SMAD9: variants seen among roughly 807,000 people sequenced by gnomAD.
The protein encoded by SMAD9 is MAD homolog 9.
In SMAD9, 36 loss-of-function variants were observed where a neutral mutation model predicts 46.1. The ratio of observed to expected loss-of-function variants is 0.78; its 90% CI spans 0.60 to 1.03. The LOEUF (loss-of-function observed/expected upper bound fraction) is 1.03, where lower values mean the gene tolerates loss of function less well. SMAD9 is among the 50% of genes least tolerant of loss of function. The probability of loss-of-function intolerance (pLI) is 0.00; values close to 1 mark genes in which losing one functional copy is unlikely to be tolerated. For missense variants in SMAD9, 572 were observed against 599.8 expected (o/e 0.95, Z 0.48); for synonymous variants, 245 against 237.1 (o/e 1.03, Z -0.31).
At chr13:36,906,497 C>A (rs1425290256) in intron 1 of SMAD9, among the ~76,000 whole-genome samples, 1 of 151,424 alleles carries the variant, frequency 6.6e-6, no homozygotes, top group Non-Finnish European at 1.5e-5. Flanking sequence ...GAAATTGAGA[C>A]AAAAAAGAAA....
intron 6 of SMAD9, among the ~76,000 whole-genome samples, chr13:36,852,798 T>C (rs2058085388): frequency 6.6e-6 from 1 of 152,198 alleles, no homozygotes; most frequent in Non-Finnish European, 1.5e-5. Flanking sequence ...TGCTTGGCAA[T>C]TGGAAGGATG....
chr13:36,872,972 C>T (rs1566022790), intron 2 of SMAD9, 57 bp from the exon 3 acceptor site: 3 of 1,581,708 alleles, frequency 1.9e-6, no homozygotes, highest in Non-Finnish European at 1.7e-6. Flanking sequence ...CAGTACACAA[C>T]AGAGTGGATA....
intron 4 of SMAD9, among the ~76,000 whole-genome samples, chr13:36,866,830 T>C (rs1312775978): frequency 6.6e-6 from 1 of 152,180 alleles, no homozygotes; most frequent in African/African-American, 2.4e-5. Flanking sequence ...ATATGAACAT[T>C]AAGGTCGAGC....
rs879741021 is a variant in SMAD9, at chr13:36,848,362, C to A, written c.*314G>T. The A allele has an allele frequency of 5.6e-6, 2 of 356,096 alleles. No individual in the cohort carries two copies. Among genetic ancestry groups the A allele is most frequent in the Admixed American group, 4.3e-5 (1 of 23,482 alleles). 22.1% of individuals were successfully genotyped at this position (356,096 alleles called of 1,614,324 possible). On this transcript the variant is annotated 3_prime_UTR_variant, in exon 7 of 7. Transcript: ENST00000379826. ...CCACACAACATGCTTTATAATGACACGGCTGACTAAAGCTGTCTTTTATTC... is the reference window on the plus strand; with the variant it reads ...CCACACAACATGCTTTATAATGACAAGGCTGACTAAAGCTGTCTTTTATTC...
chr13:36,892,657 T>G (rs57060744), intron 1 of SMAD9, among the ~76,000 whole-genome samples: 1 of 152,314 alleles, frequency 6.6e-6, no homozygotes, highest in African/African-American at 2.4e-5. Flanking sequence ...GGAGCTGTTT[T>G]CTCAGTAGGT....
intron 1 of SMAD9, among the ~76,000 whole-genome samples, chr13:36,915,767 C>A (rs1343928794): frequency 6.6e-6 from 1 of 152,186 alleles, no homozygotes; most frequent in Non-Finnish European, 1.5e-5. Context: ...TGTGCACACA[C>A]ATATACAATC....
chr13:36,903,211 C>T (rs776038602), intron 1 of SMAD9, among the ~76,000 whole-genome samples: 3 of 150,846 alleles, frequency 2.0e-5, no homozygotes, highest in Non-Finnish European at 4.4e-5. Flanking sequence ...ACTGCAACCT[C>T]CTCCTCCCGG....
intron 1 of SMAD9, among the ~76,000 whole-genome samples, chr13:36,912,363 A>G (rs563403919): frequency 5.9e-5 from 9 of 152,298 alleles, no homozygotes; most frequent in African/African-American, 2.2e-4. Flanking sequence ...AAGTATCAAC[A>G]ATGAAGTGGA....
At chr13:36,903,328 C>T (rs1003727439) in intron 1 of SMAD9, among the ~76,000 whole-genome samples, 2 of 151,700 alleles carry the variant, frequency 1.3e-5, no homozygotes, top group African/African-American at 2.4e-5. Context: ...GGTTTCACCA[C>T]GTTGGTCAGG....
chr13:36,866,360 T>C (rs2058234377), intron 4 of SMAD9, among the ~76,000 whole-genome samples: 1 of 150,916 alleles, frequency 6.6e-6, no homozygotes, highest in South Asian at 2.1e-4. Flanking sequence ...AAAAAAAACA[T>C]TTAAAGAGAG....
chr13:36,878,358 C>G (rs2058367184), intron 2 of SMAD9, among the ~76,000 whole-genome samples: 1 of 152,010 alleles, frequency 6.6e-6, no homozygotes, highest in African/African-American at 2.4e-5. Flanking sequence ...CATTCAATAC[C>G]ATTGTGGTTA....
chr13:36,904,263 G>A (rs2058601025), intron 1 of SMAD9, among the ~76,000 whole-genome samples: 1 of 152,132 alleles, frequency 6.6e-6, no homozygotes, highest in Non-Finnish European at 1.5e-5. Context: ...AACTTGGCAG[G>A]CAGTCTGATA....
At chr13:36,908,159 A>C (rs1394411359) in intron 1 of SMAD9, among the ~76,000 whole-genome samples, 1 of 152,214 alleles carries the variant, frequency 6.6e-6, no homozygotes, top group Non-Finnish European at 1.5e-5. Flanking sequence ...TCTATACTAA[A>C]AAGGGGAGAA....
intron 3 of SMAD9, among the ~76,000 whole-genome samples, chr13:36,871,783 A>G (rs1566021992): frequency 6.6e-6 from 1 of 152,236 alleles, no homozygotes; most frequent in Non-Finnish European, 1.5e-5. Context: ...ATCTTCCCAC[A>G]TCGTAGGGAC....
At chr13:36,878,141 T>C (rs980987496) in intron 2 of SMAD9, among the ~76,000 whole-genome samples, 32 of 151,824 alleles carry the variant, frequency 2.1e-4, no homozygotes, top group African/African-American at 7.8e-4. Context: ...AGGAAATATA[T>C]ACATATTTCT....
chr13:36,859,096 T>C (rs1469808687), intron 5 of SMAD9, among the ~76,000 whole-genome samples: 1 of 152,198 alleles, frequency 6.6e-6, no homozygotes, highest in Non-Finnish European at 1.5e-5. Context: ...TTGTGAACAT[T>C]TTCTCAGGAT....
At chr13:36,887,049 T>TTTG (rs2058451913) in intron 1 of SMAD9, among the ~76,000 whole-genome samples, 1 of 127,690 alleles carries the variant, frequency 7.8e-6, no homozygotes, top group African/African-American at 3.4e-5. Flanking sequence ...GGTTTTTTTT[T>TTTG]TTTTTTTTTT....
chr13:36,877,968 G>A (rs1216196346), intron 2 of SMAD9, among the ~76,000 whole-genome samples: 1 of 152,158 alleles, frequency 6.6e-6, no homozygotes, highest in African/African-American at 2.4e-5. Context: ...CAGCGCTTTG[G>A]TTTCCTGGGA....
In SMAD9 at chr13:36,846,814, T is replaced by G. The variant is rs931649775; in HGVS notation, c.*1862A>C. On this transcript the variant is annotated 3_prime_UTR_variant, in exon 7 of 7. Coordinates refer to ENST00000379826, the MANE Select transcript of SMAD9 (RefSeq NM_001127217.3). Reference sequence around the variant, plus strand: ...CAATCACATTCTTTCAAGCAAAAGATGATAGATTACATTATTTTGTTTTGT... The same window carrying G: ...CAATCACATTCTTTCAAGCAAAAGAGGATAGATTACATTATTTTGTTTTGT... 1.3e-5 allele frequency: 2 copies of G among 152,212 alleles called. No individual in the cohort carries two copies. The allele number at this position is 152,212 out of a possible 1,614,324, so 9.4% of individuals were successfully genotyped here. A position where few individuals can be genotyped will look rare whatever the true frequency, so the allele number is the denominator to read the frequency against.
Sources: gnomAD v4.1 joint callset for allele counts (sites outside exome capture counted in the v4.1 genomes callset) on GRCh38, gnomAD v4.1.1 for gene constraint, MANE v1.5 for transcripts, NCBI Gene and HGNC (gene_info 2026-07-23, HGNC 2026-07-21) for gene names.